Variants in CYFIP1 observed in about 807,000 individuals in gnomAD.
CYFIP1 encodes cytoplasmic FMR1 interacting protein 1, also known as cytoplasmic FMR1-interacting protein 1.
A neutral mutation model predicts 163.5 loss-of-function variants in CYFIP1; 58 were observed. That is an observed-to-expected ratio of 0.35 (90% confidence interval 0.29 to 0.44). The LOEUF is 0.44. CYFIP1 is among the 20% of genes least tolerant of loss of function. CYFIP1 has a pLI of 1.00. For synonymous variants in CYFIP1, 663 were observed against 660.7 expected (o/e 1.00, Z -0.05); for missense variants, 1,338 against 1,653.8 (o/e 0.81, Z 3.31).
Position 22,917,274 on chromosome 15 carries a change from C to A in CYFIP1, c.1674+514G>T, listed in dbSNP as rs531567034. The A allele has an allele frequency of 3.5e-5, 49 of 1,382,612 alleles. No homozygotes were observed. In the Middle Eastern group the frequency reaches 1.1e-3, roughly 30 times the overall value. The allele number at this position is 1,382,612 out of a possible 1,614,324, so 85.6% of individuals were successfully genotyped here. On this transcript the variant is annotated intron_variant, in intron 15 of 30. Transcript: ENST00000617928. The surrounding 1 kb of genome is among the most constrained non-coding windows in gnomAD (Gnocchi z 4.2). Reference sequence around the variant, plus strand: ...GCAGAGATGAGGGAGAAGACCAGCCCCAGGACGGAGGACAGACGCAGCGGT... The same window carrying A: ...GCAGAGATGAGGGAGAAGACCAGCCACAGGACGGAGGACAGACGCAGCGGT...
Position 22,867,927 on chromosome 15 carries a change from C to T in CYFIP1, c.*2101G>A, listed in dbSNP as rs1177521681. On this transcript the variant is annotated 3_prime_UTR_variant, in exon 31 of 31. Transcript: ENST00000617928. ...ATAATAAAAAAGGTCTAATGAACTC[C>T]ATTCAGCTTTGAACCTATCCACTCA... The T allele has an allele frequency of 6.6e-6, 1 of 152,212 alleles. No homozygotes were observed. The highest frequency in any genetic ancestry group is 1.5e-5 in the Non-Finnish European group (1 of 68,042). The allele number at this position is 152,212 out of a possible 1,614,324, so 9.4% of individuals were successfully genotyped here.
intron 14 of CYFIP1, 43 bp downstream of exon 14, chr15:22,918,649 G>A (rs1265973299): frequency 6.7e-7 from 1 of 1,489,616 alleles, no homozygotes; most frequent in East Asian, 2.4e-5. Flanking sequence ...GTTCATCCGA[G>A]GACGTGTGGG....
At chr15:22,973,261 C>T (rs1157249527) in intron 1 of CYFIP1, among the ~76,000 whole-genome samples, 1 of 142,470 alleles carries the variant, frequency 7.0e-6, no homozygotes, top group Admixed American at 7.3e-5. Context: ...CTGCAGTAAG[C>T]CATGATTGCC....
chr15:22,919,217 A>G (rs2061098944), intron 13 of CYFIP1, among the ~76,000 whole-genome samples: 1 of 152,204 alleles, frequency 6.6e-6, no homozygotes, highest in Non-Finnish European at 1.5e-5. Flanking sequence ...AAGAGGTTGT[A>G]GTCCAAATCC....
At chr15:22,916,948 G>A in intron 15 of CYFIP1, 1 of 1,551,736 alleles carries the variant, frequency 6.4e-7, no homozygotes, top group East Asian at 2.4e-5. Context: ...GCATGCAAGA[G>A]CCTCTCCATG....
chr15:22,946,922 G>C, intron 3 of CYFIP1, 81 bp downstream of exon 3: 1 of 1,199,294 alleles, frequency 8.3e-7, no homozygotes, highest in Non-Finnish European at 1.2e-6. Flanking sequence ...TAGTCTATTG[G>C]GATAATACCA....
chr15:22,907,227 CTCTG>C (rs1294790463), intron 21 of CYFIP1, among the ~76,000 whole-genome samples: 12 of 152,210 alleles, frequency 7.9e-5, no homozygotes, highest in Admixed American at 7.9e-4. Context: ...CTTTGAAGAG[CTCTG>C]TCTAAATTAT....
chr15:22,955,929 G>C (rs555246532), intron 1 of CYFIP1, among the ~76,000 whole-genome samples: 1 of 152,086 alleles, frequency 6.6e-6, no homozygotes, highest in Non-Finnish European at 1.5e-5. Flanking sequence ...TTTTAAATGT[G>C]ATTTGGGGCT....
At chr15:22,942,563 G>A (rs1176360387) in intron 6 of CYFIP1, among the ~76,000 whole-genome samples, 5 of 152,156 alleles carry the variant, frequency 3.3e-5, no homozygotes, top group Non-Finnish European at 5.9e-5. Flanking sequence ...GCACACACTG[G>A]GCCATGCCTG....
intron 16 of CYFIP1, among the ~76,000 whole-genome samples, chr15:22,916,019 C>T (rs116237551): frequency 7.0e-4 from 107 of 152,282 alleles, no homozygotes; most frequent in African/African-American, 2.1e-3. Context: ...GATGAGAACA[C>T]GGGACAGACA....
chr15:22,956,186 G>A (rs374637616), intron 1 of CYFIP1, among the ~76,000 whole-genome samples: 4 of 152,000 alleles, frequency 2.6e-5, no homozygotes, highest in South Asian at 2.1e-4. Context: ...CAGCCTGGGC[G>A]ACAGAGTGAG....
intron 8 of CYFIP1, 63 bp from the exon 9 acceptor site, chr15:22,937,271 G>T: frequency 2.1e-6 from 2 of 945,468 alleles, no homozygotes; most frequent in South Asian, 1.3e-5. Context: ...CTACCCATAA[G>T]GACTTACACT....
chr15:22,904,508 C>A (rs2060506854), intron 21 of CYFIP1: 1 of 155,094 alleles, frequency 6.4e-6, no homozygotes. Flanking sequence ...AACAGACTAG[C>A]AAATACCCAC....
At chr15:22,939,670 A>C (rs2140072737) in intron 6 of CYFIP1, among the ~76,000 whole-genome samples, 163 bp from the exon 7 acceptor site, 1 of 150,360 alleles carries the variant, frequency 6.7e-6, no homozygotes, top group South Asian at 2.1e-4. Flanking sequence ...CAGCCTTTTC[A>C]GGCGTCTCTG....
chr15:22,969,202 C>T (rs2063006964), intron 1 of CYFIP1, among the ~76,000 whole-genome samples: 1 of 152,140 alleles, frequency 6.6e-6, no homozygotes, highest in South Asian at 2.1e-4. Context: ...ATGACAAGGT[C>T]ACAGCGGCTA....
rs954757386 is a variant in CYFIP1 at position 22,947,865 on chromosome 15, C to G, written c.-6-574G>C. The G allele has an allele frequency of 9.1e-6, 8 of 883,472 alleles. No individual in the cohort carries two copies. In the African/African-American group the frequency reaches 1.5e-4, roughly 16 times the overall value. 54.7% of individuals were successfully genotyped at this position (883,472 alleles called of 1,614,324 possible). A position where few individuals can be genotyped will look rare whatever the true frequency, so the allele number is the denominator to read the frequency against. On this transcript the variant is annotated intron_variant, in intron 1 of 30. Transcript: ENST00000617928. ...GGGGACAGAAAGTGCCACACCGCAGCTGGAGCAGAGGTGCAGAAATGAAGG... is the reference window on the plus strand; with the variant it reads ...GGGGACAGAAAGTGCCACACCGCAGGTGGAGCAGAGGTGCAGAAATGAAGG...
chr15:22,966,097 C>T (rs549762979), intron 1 of CYFIP1, among the ~76,000 whole-genome samples: 1 of 151,978 alleles, frequency 6.6e-6, no homozygotes, highest in South Asian at 2.1e-4. Context: ...ACCTGTAATC[C>T]CAACACTTTG....
intron 26 of CYFIP1, among the ~76,000 whole-genome samples, chr15:22,879,005 G>A (rs1469529706): frequency 1.3e-5 from 2 of 152,024 alleles, no homozygotes; most frequent in Non-Finnish European, 2.9e-5. Flanking sequence ...GCGTGGTGGT[G>A]GGCGCCTGTA....
chr15:22,905,786 G>A (rs1260737325), intron 21 of CYFIP1, among the ~76,000 whole-genome samples: 1 of 150,436 alleles, frequency 6.6e-6, no homozygotes, highest in Non-Finnish European at 1.5e-5. Context: ...TTGAGACGGA[G>A]TCTCGCTCTG....
Sources: allele counts gnomAD v4.1 joint callset (sites outside exome capture counted in the v4.1 genomes callset), GRCh38; gene constraint gnomAD v4.1.1; non-coding constraint Gnocchi (gnomAD v3.1); transcripts MANE v1.5; gene names NCBI Gene and HGNC (gene_info 2026-07-23, HGNC 2026-07-21).